The following GAS6 variants were observed in gnomAD, a reference collection of about 807,000 sequenced individuals.
The protein encoded by GAS6 is growth arrest-specific protein 6.
Under a neutral mutation model 75.8 loss-of-function variants are expected in GAS6, and 41 were observed. That is an observed-to-expected ratio of 0.54 (90% confidence interval 0.42 to 0.70). The LOEUF (loss-of-function observed/expected upper bound fraction) is 0.70. Ranked by LOEUF, GAS6 falls within the 30% of genes least tolerant of loss-of-function variation. GAS6 has a pLI of 0.00. For synonymous variants in GAS6, 432 were observed against 412.6 expected (o/e 1.05, Z -0.57); for missense variants, 854 against 940.2 (o/e 0.91, Z 1.20).
At chr13:113,858,198 G>C (rs577464271) in intron 2 of GAS6, among the ~76,000 whole-genome samples, 146 of 152,378 alleles carry the variant, frequency 9.6e-4, no homozygotes, top group African/African-American at 3.2e-3. Flanking sequence ...GTGTGTGAGA[G>C]GGTGCACATG....
intron 8 of GAS6, 145 bp from the exon 9 acceptor site, chr13:113,832,897 A>T (rs1364551097): frequency 1.3e-6 from 2 of 1,532,558 alleles, no homozygotes; most frequent in Non-Finnish European, 1.7e-6. Context: ...GAGACCCCAG[A>T]GGCTGTCACA....
intron 7 of GAS6, among the ~76,000 whole-genome samples, chr13:113,835,122 C>T (rs981620840): frequency 6.6e-6 from 1 of 152,256 alleles, no homozygotes; most frequent in East Asian, 1.9e-4. Flanking sequence ...TCACTGGGGG[C>T]ACGGCCCCTC....
intron 2 of GAS6, among the ~76,000 whole-genome samples, chr13:113,857,562 A>T (rs1162695633): frequency 6.6e-6 from 1 of 152,210 alleles, no homozygotes; most frequent in Non-Finnish European, 1.5e-5. Context: ...ACAGGGGAAA[A>T]TGAAGCATGA....
Position 113,863,981 on chromosome 13 carries a change from G to T in GAS6, c.-61C>A. ...GGCCGAGGCGAGCCGCGGGCGCCGC[G>T]GGGCGGAGGCTCCGGTCATCCCGTC... On this transcript the variant is annotated 5_prime_UTR_variant, in exon 1 of 15. Transcript: ENST00000327773. This position sits in a 1 kb window ranked among gnomAD's most constrained non-coding sequence, Gnocchi z 9.4. 9.8e-7 allele frequency: 1 copy of T among 1,025,576 alleles called. No individual in the cohort carries two copies. The allele number at this position is 1,025,576 out of a possible 1,614,324, so 63.5% of individuals were successfully genotyped here.
At position 113,844,688 on chromosome 13, in the gene GAS6, C is replaced by G. The variant is rs558310836; in HGVS notation, c.343+1839G>C. On this transcript the variant is annotated intron_variant, in intron 4 of 14. Transcript: ENST00000327773. The surrounding 1 kb of genome is among the most constrained non-coding windows in gnomAD (Gnocchi z 5.7). ...CTGAGGAGGGCATAGGAGACCCACC[C>G]GCGTGCATGAGGCCGAGTCTAAAGC... The G allele has an allele frequency of 6.6e-6, 1 of 150,510 alleles. No homozygotes were observed. Among genetic ancestry groups the G allele is most frequent in the African/African-American group, 2.5e-5 (1 of 39,948 alleles). The allele number at this position is 150,510 out of a possible 1,614,324, so 9.3% of individuals were successfully genotyped here.
chr13:113,845,740 T>C lies in GAS6; in HGVS notation c.343+787A>G, dbSNP rs888331846. 1.5e-4 allele frequency: 18 copies of C among 120,858 alleles called. No individual in the cohort carries two copies. The highest frequency in any genetic ancestry group is 5.3e-4 in the African/African-American group (14 of 26,252). The allele number at this position is 120,858 out of a possible 1,614,324, so 7.5% of individuals were successfully genotyped here. On this transcript the variant is annotated intron_variant, in intron 4 of 14. Transcript: ENST00000327773. This position sits in a 1 kb window ranked among gnomAD's most constrained non-coding sequence, Gnocchi z 4.3. ...ACCTATGAAGGACAGCTTTACTCAT[T>C]AGTTAAAAAAAAAAAAAAAAACCTG...
intron 11 of GAS6, among the ~76,000 whole-genome samples, 175 bp from the exon 12 acceptor site, chr13:113,827,339 C>G (rs1207690820): frequency 6.6e-6 from 1 of 152,240 alleles, no homozygotes; most frequent in Non-Finnish European, 1.5e-5. Context: ...TACACAACGC[C>G]TCACTGCAGA....
Position 113,823,493 on chromosome 13 carries a change from T to C in GAS6, c.1535A>G (p.His512Arg). 2 of 1,612,768 alleles carry C rather than the reference T, an allele frequency of 1.2e-6. No individual in the cohort carries two copies. The highest frequency in any genetic ancestry group is 1.7e-5 in the Admixed American group (1 of 60,014). The stretch of plus-strand genomic sequence containing the variant: ...GCCTGTGTCTGCGGCTGGGCGGATG[T>C]GAGCCACGACTTCTACTTCCCAGGT... ...ESTWEVEVVA[H>R]IRPAADTGVL... The change falls in exon 13 of 15, where the codon CAC becomes CGC. Residue 512 changes from histidine (H) to arginine (R), a missense_variant. Physicochemically the swap from His to Arg is conservative, Grantham distance 29. Coordinates refer to ENST00000327773, the MANE Select transcript of GAS6 (RefSeq NM_000820.4).
At chr13:113,826,681 C>T (rs1419940807) in intron 12 of GAS6, among the ~76,000 whole-genome samples, 2 of 128,976 alleles carry the variant, frequency 1.6e-5, no homozygotes, top group Admixed American at 1.5e-4. Flanking sequence ...CCTTCTCTCC[C>T]CCGCCTCCTG....
intron 5 of GAS6, among the ~76,000 whole-genome samples, chr13:113,838,621 C>T (rs1404142833): frequency 1.0e-5 from 1 of 99,144 alleles, no homozygotes; most frequent in African/African-American, 4.6e-5. Flanking sequence ...GGAGGGAGCC[C>T]GGGGGTGCAC....
In GAS6 at chr13:113,848,249, G is replaced by A. The variant is rs917956969; in HGVS notation, c.256-199C>T. Among the ~76,000 whole-genome samples, 8 of 152,102 alleles carry A rather than the reference G, an allele frequency of 5.3e-5. No individual in the cohort carries two copies. The highest frequency in any genetic ancestry group is 2.1e-4 in the South Asian group (1 of 4,824). ...CAAAGGCAGGGCCATTTCCAGCTGC[G>A]TAGGAAGTGCTACCAGGTGTGTCCA... is the stretch of plus-strand genomic sequence containing the variant. On this transcript the variant is annotated intron_variant, in intron 2 of 14. Transcript: ENST00000327773. This position sits in a 1 kb window ranked among gnomAD's most constrained non-coding sequence, Gnocchi z 4.8.
At chr13:113,862,096 G>C (rs1439129662) in intron 2 of GAS6, among the ~76,000 whole-genome samples, 3 of 152,260 alleles carry the variant, frequency 2.0e-5, no homozygotes, top group Non-Finnish European at 4.4e-5. Context: ...TGTAAATAAA[G>C]TTATTAAATT....
chr13:113,859,405 AGTAT>A (rs1460154290), intron 2 of GAS6, among the ~76,000 whole-genome samples: 5 of 138,140 alleles, frequency 3.6e-5, no homozygotes, highest in Non-Finnish European at 7.8e-5. Context: ...CATGTCTGTT[AGTAT>A]GTGTGTGCCT....
chr13:113,851,991 C>CTT lies in GAS6; in HGVS notation c.256-3943_256-3942dup, dbSNP rs1481804359. On this transcript the variant is annotated intron_variant, in intron 2 of 14. Coordinates refer to ENST00000327773, the MANE Select transcript of GAS6 (RefSeq NM_000820.4). ...ATTAGGTCTCTCGGAGGTTTGTGTG[C>CTT]TTTGCTGTTCCCGGCAGGGACGACT... Among the ~76,000 whole-genome samples, 7 of 152,312 alleles carry CTT rather than the reference C, an allele frequency of 4.6e-5. No individual in the cohort carries two copies. The East Asian group carries it at 1.2e-3, about 25-fold the overall frequency.
intron 4 of GAS6, chr13:113,842,286 T>TGG: frequency 3.9e-6 from 1 of 256,420 alleles, no homozygotes; most frequent in Non-Finnish European, 7.0e-6. Flanking sequence ...AGAACACTTG[T>TGG]GGGTGTGGAC....
Position 113,827,000 on chromosome 13 carries a change from G to A in GAS6, c.1473C>T (p.Asp491=). ...ACGGTAAGAGCCAAGACTTACTGTAGTCCAGGCTGTAGAAGGCGAAGCCGC... is the reference window on the plus strand; with the variant it reads ...ACGGTAAGAGCCAAGACTTACTGTAATCCAGGCTGTAGAAGGCGAAGCCGC... ...PGSGFAFYSL[D]YMRTPLDVGT... The change falls in exon 12 of 15, where the codon GAC becomes GAT. Residue 491 remains aspartate (D), a synonymous_variant. Transcript: ENST00000327773. The A allele has an allele frequency of 6.2e-7, 1 of 1,612,972 alleles. No homozygotes were observed.
intron 2 of GAS6, among the ~76,000 whole-genome samples, chr13:113,853,254 C>T (rs1042331415): frequency 2.6e-5 from 4 of 152,224 alleles, no homozygotes; most frequent in Non-Finnish European, 4.4e-5. Context: ...TTCCTAAACA[C>T]CTTCATCTCT....
At chr13:113,855,503 C>T (rs989043419) in intron 2 of GAS6, among the ~76,000 whole-genome samples, 2 of 152,206 alleles carry the variant, frequency 1.3e-5, no homozygotes, top group Non-Finnish European at 2.9e-5. Context: ...TCCGGATCCA[C>T]GGGGAGCTGC....
intron 2 of GAS6, among the ~76,000 whole-genome samples, chr13:113,854,840 C>A (rs1594209106): frequency 6.6e-6 from 1 of 152,372 alleles, no homozygotes; most frequent in African/African-American, 2.4e-5. Context: ...AGGCCCAGGA[C>A]ACGCCACTGT....
Sources: gnomAD v4.1 joint callset for allele counts (sites outside exome capture counted in the v4.1 genomes callset) on GRCh38, gnomAD v4.1.1 for gene constraint, Gnocchi (gnomAD v3.1) non-coding constraint, MANE v1.5 for transcripts, NCBI Gene and HGNC (gene_info 2026-07-23, HGNC 2026-07-21) for gene names.